The following LARS2 variants were observed in gnomAD, a reference collection of about 807,000 sequenced individuals.
LARS2 encodes leucyl-tRNA synthetase 2, mitochondrial.
A neutral mutation model predicts 116.6 loss-of-function variants in LARS2; 81 were observed. That is an observed-to-expected ratio of 0.69 (90% CI 0.58 to 0.84). The LOEUF (loss-of-function observed/expected upper bound fraction) is 0.84. Ranked by LOEUF, LARS2 falls within the 40% of genes least tolerant of loss-of-function variation. The pLI is 0.00. For synonymous variants in LARS2, 396 were observed against 407.2 expected (o/e 0.97, Z 0.33); for missense variants, 968 against 1,114.5 (o/e 0.87, Z 1.87).
chr3:45,484,061 G>C (rs1699751665), intron 10 of LARS2: 1 of 138,438 alleles, frequency 7.2e-6, no homozygotes, highest in African/African-American at 2.5e-5. Context: ...AAAAAAATTA[G>C]CTGGGTTTGG....
chr3:45,511,291 A>G (rs1700285548), intron 15 of LARS2, among the ~76,000 whole-genome samples: 1 of 152,226 alleles, frequency 6.6e-6, no homozygotes, highest in African/African-American at 2.4e-5. Context: ...CCTGCCTGCC[A>G]GTTCTGGGGA....
intron 6 of LARS2, among the ~76,000 whole-genome samples, chr3:45,420,057 A>G (rs1698490775): frequency 6.6e-6 from 1 of 152,244 alleles, no homozygotes; most frequent in Non-Finnish European, 1.5e-5. Context: ...GTGATTAAAT[A>G]TCAATCCATC....
chr3:45,505,752 T>G (rs1374336971), intron 15 of LARS2, among the ~76,000 whole-genome samples: 1 of 152,074 alleles, frequency 6.6e-6, no homozygotes, highest in Non-Finnish European at 1.5e-5. Context: ...CATATGTAAG[T>G]GATTTCTAGC....
intron 6 of LARS2, among the ~76,000 whole-genome samples, chr3:45,443,864 G>A (rs1220603374): frequency 6.6e-6 from 1 of 152,076 alleles, no homozygotes; most frequent in Non-Finnish European, 1.5e-5. Flanking sequence ...GTGAAAGCAG[G>A]GGCCTGTAAT....
chr3:45,478,164 A>G (rs1699645145), intron 10 of LARS2, among the ~76,000 whole-genome samples: 1 of 152,232 alleles, frequency 6.6e-6, no homozygotes, highest in South Asian at 2.1e-4. Context: ...AAAGCCCAAT[A>G]TAGCTGTCTC....
intron 3 of LARS2, among the ~76,000 whole-genome samples, chr3:45,397,604 A>G (rs1698069387): frequency 6.6e-6 from 1 of 152,230 alleles, no homozygotes; most frequent in Admixed American, 6.5e-5. Flanking sequence ...AAACATTAGT[A>G]TAATAAAAAT....
chr3:45,431,346 G>A (rs1474312921), intron 6 of LARS2, among the ~76,000 whole-genome samples: 1 of 152,144 alleles, frequency 6.6e-6, no homozygotes, highest in East Asian at 1.9e-4. Context: ...TAATTTAAGA[G>A]ACTAATACAT....
At chr3:45,466,767 A>T (rs891447604) in intron 8 of LARS2, among the ~76,000 whole-genome samples, 1 of 152,116 alleles carries the variant, frequency 6.6e-6, no homozygotes, top group Admixed American at 6.5e-5. Context: ...CCCAGGCTGG[A>T]GTGCAGTGGT....
At chr3:45,494,400 A>G (rs1325849372) in intron 13 of LARS2, among the ~76,000 whole-genome samples, 2 of 152,210 alleles carry the variant, frequency 1.3e-5, no homozygotes, top group Non-Finnish European at 2.9e-5. Context: ...ATGCTAAATT[A>G]GCAGAAGATT....
intron 4 of LARS2, among the ~76,000 whole-genome samples, chr3:45,404,515 G>A (rs964347542): frequency 8.5e-5 from 13 of 152,270 alleles, no homozygotes; most frequent in East Asian, 1.9e-4. Context: ...CAAGTTTAAC[G>A]ATCCTCACTC....
intron 8 of LARS2, among the ~76,000 whole-genome samples, chr3:45,462,474 CTG>C (rs1396038980): frequency 6.6e-6 from 1 of 151,856 alleles, no homozygotes; most frequent in African/African-American, 2.4e-5. Context: ...GTGCCAAAAA[CTG>C]TTCCTTTTGT....
chr3:45,427,518 A>T (rs138879415), intron 6 of LARS2, among the ~76,000 whole-genome samples: 19 of 152,378 alleles, frequency 1.2e-4, no homozygotes, highest in African/African-American at 4.6e-4. Context: ...GTAGAACATG[A>T]ATGAATAATA....
chr3:45,402,736 T>C (rs1265142297), intron 4 of LARS2, among the ~76,000 whole-genome samples: 1 of 152,240 alleles, frequency 6.6e-6, no homozygotes, highest in Non-Finnish European at 1.5e-5. Context: ...CTGAGGGTGT[T>C]TGTCTCTCTG....
At chr3:45,399,628 G>A (rs754285305) in intron 3 of LARS2, among the ~76,000 whole-genome samples, 15 of 151,800 alleles carry the variant, frequency 9.9e-5, no homozygotes, top group Non-Finnish European at 1.8e-4. Flanking sequence ...CATTGGGACC[G>A]CTTTTCTTTC....
chr3:45,547,260 C>A, intron 21 of LARS2, 91 bp from the exon 22 acceptor site: 2 of 1,163,474 alleles, frequency 1.7e-6, no homozygotes, highest in South Asian at 1.5e-5. Flanking sequence ...CAAATGCAGC[C>A]ATGCCCTTTA....
At chr3:45,393,701 G>A (rs1697996205) in intron 2 of LARS2, among the ~76,000 whole-genome samples, 1 of 152,070 alleles carries the variant, frequency 6.6e-6, no homozygotes, top group Non-Finnish European at 1.5e-5. Flanking sequence ...GCTCACGCCT[G>A]TAATCCCAGC....
At chr3:45,471,887 G>A (rs1454795841) in intron 8 of LARS2, among the ~76,000 whole-genome samples, 3 of 152,088 alleles carry the variant, frequency 2.0e-5, no homozygotes, top group Non-Finnish European at 1.5e-5. Flanking sequence ...TAACATATTA[G>A]TATATAATTA....
rs145746476 is a variant in LARS2, at chr3:45,519,437, G to A, written c.2215-782G>A. ...ACCTGGGAGGCAGAGGTTGCAGTGAGCTGAGATCGCACCACTGCACTCCAA... is the reference window on the plus strand; with the variant it reads ...ACCTGGGAGGCAGAGGTTGCAGTGAACTGAGATCGCACCACTGCACTCCAA... On this transcript the variant is annotated intron_variant, in intron 18 of 21. Coordinates refer to ENST00000645846, the MANE Select transcript of LARS2 (RefSeq NM_015340.4). Among the ~76,000 whole-genome samples the A allele has an allele frequency of 3.0e-3, 443 of 148,510 alleles. 2 individuals carry two copies. The highest frequency in any genetic ancestry group is 0.01 in the African/African-American group (409 of 40,548).
intron 8 of LARS2, among the ~76,000 whole-genome samples, chr3:45,467,562 T>A (rs1441540311): frequency 6.6e-6 from 1 of 152,242 alleles, no homozygotes; most frequent in Non-Finnish European, 1.5e-5. Flanking sequence ...ATGATTAGTT[T>A]TAAATTGAAT....
Sources: allele counts gnomAD v4.1 joint callset (sites outside exome capture counted in the v4.1 genomes callset), GRCh38; gene constraint gnomAD v4.1.1; transcripts MANE v1.5; gene names NCBI Gene and HGNC (gene_info 2026-07-23, HGNC 2026-07-21).